The following MYO3B variants were observed in gnomAD, a reference collection of about 807,000 sequenced individuals.
MYO3B encodes the protein myosin-IIIb.
In MYO3B, 156 loss-of-function variants were observed where a neutral mutation model predicts 174.6. The observed-to-expected ratio is 0.89, with a 90% CI of 0.78 to 1.02. The LOEUF (loss-of-function observed/expected upper bound fraction) is 1.02, where lower values mean the gene tolerates loss of function less well. Among genes scored for constraint, MYO3B ranks in the 50% least tolerant of loss-of-function variants. The pLI, the probability that MYO3B is intolerant of heterozygous loss-of-function variation, is 0.00. For synonymous variants in MYO3B, 563 were observed against 569.1 expected (o/e 0.99, Z 0.15); for missense variants, 1,632 against 1,639.4 (o/e 1.00, Z 0.08).
At chr2:170,420,856 C>T (rs779609054) in intron 22 of MYO3B, among the ~76,000 whole-genome samples, 1 of 152,118 alleles carries the variant, frequency 6.6e-6, no homozygotes, top group Non-Finnish European at 1.5e-5. Context: ...TGCTCCCCAC[C>T]GACACCCCTC....
intron 32 of MYO3B, among the ~76,000 whole-genome samples, chr2:170,595,463 G>A (rs1694087515): frequency 6.6e-6 from 1 of 152,086 alleles, no homozygotes; most frequent in African/African-American, 2.4e-5. Context: ...TTATGAGACA[G>A]AGTCTCACTC....
intron 30 of MYO3B, among the ~76,000 whole-genome samples, chr2:170,533,140 A>G (rs2106177417): frequency 6.6e-6 from 1 of 152,212 alleles, no homozygotes; most frequent in East Asian, 1.9e-4. Flanking sequence ...CCACGTCATC[A>G]TTGCCGTGCT....
At chr2:170,426,578 A>T (rs927545543) in intron 22 of MYO3B, among the ~76,000 whole-genome samples, 1 of 151,894 alleles carries the variant, frequency 6.6e-6, no homozygotes, top group Admixed American at 6.6e-5. Flanking sequence ...TCTAGGTGGC[A>T]AGGGTAGAAA....
intron 28 of MYO3B, among the ~76,000 whole-genome samples, chr2:170,505,296 C>T (rs955328953): frequency 6.6e-6 from 1 of 152,132 alleles, no homozygotes; most frequent in African/African-American, 2.4e-5. Flanking sequence ...CTCTGCATAT[C>T]ACCTTGGCAA....
At chr2:170,281,639 T>C (rs1241249846) in intron 7 of MYO3B, among the ~76,000 whole-genome samples, 2 of 152,048 alleles carry the variant, frequency 1.3e-5, no homozygotes, top group East Asian at 3.9e-4. Flanking sequence ...CGTCAAAAAG[T>C]TAAAAAGACC....
chr2:170,257,525 TTATTTAA>T (rs1431846896), intron 7 of MYO3B, among the ~76,000 whole-genome samples: 3 of 152,070 alleles, frequency 2.0e-5, no homozygotes, highest in Non-Finnish European at 4.4e-5. Context: ...AATCAAAAAA[TTATTTAA>T]AATAAATGGT....
At chr2:170,652,850 A>G (rs965325676) in intron 34 of MYO3B, 133 bp from the exon 35 acceptor site, 3 of 908,180 alleles carry the variant, frequency 3.3e-6, no homozygotes, top group Non-Finnish European at 5.1e-6. Flanking sequence ...TGAGCTACCT[A>G]GGAGCTGTCC....
chr2:170,327,922 AAGAC>A (rs2093881147), intron 7 of MYO3B, among the ~76,000 whole-genome samples: 1 of 149,748 alleles, frequency 6.7e-6, no homozygotes, highest in Non-Finnish European at 1.5e-5. Context: ...ATATATTTGA[AAGAC>A]AGTCTCACTT....
chr2:170,242,764 T>C (rs372328845), intron 7 of MYO3B, among the ~76,000 whole-genome samples: 3 of 152,174 alleles, frequency 2.0e-5, no homozygotes, highest in East Asian at 3.8e-4. Context: ...CCCTGGTATA[T>C]TATTTTGGCA....
At chr2:170,501,598 C>A (rs1375106375) in intron 27 of MYO3B, among the ~76,000 whole-genome samples, 187 bp from the exon 28 acceptor site, 2 of 152,106 alleles carry the variant, frequency 1.3e-5, no homozygotes, top group Non-Finnish European at 2.9e-5. Context: ...ATCTTTAAAG[C>A]CAAGCTGTGA....
At chr2:170,340,753 AG>A (rs2093972168) in intron 8 of MYO3B, 1 of 152,184 alleles carries the variant, frequency 6.6e-6, no homozygotes, top group South Asian at 2.1e-4. Context: ...ATTATATGGC[AG>A]GTCACCTGTC....
intron 32 of MYO3B, among the ~76,000 whole-genome samples, chr2:170,546,372 A>G (rs968081063): frequency 6.6e-6 from 1 of 152,230 alleles, no homozygotes; most frequent in African/African-American, 2.4e-5. Context: ...AATATAATGG[A>G]AGCAAGAATG....
At chr2:170,302,193 A>T (rs562155777) in intron 7 of MYO3B, among the ~76,000 whole-genome samples, 1 of 152,290 alleles carries the variant, frequency 6.6e-6, no homozygotes, top group African/African-American at 2.4e-5. Flanking sequence ...ATGAGTAATA[A>T]CAATTGAAGT....
At chr2:170,385,994 T>C (rs1558948116) in intron 12 of MYO3B, 195 bp from the exon 13 acceptor site, 3 of 478,000 alleles carry the variant, frequency 6.3e-6, no homozygotes, top group South Asian at 6.6e-5. Flanking sequence ...AAACAGATTA[T>C]GGTACATATG....
At chr2:170,504,460 C>G (rs1347085013) in intron 28 of MYO3B, among the ~76,000 whole-genome samples, 3 of 152,202 alleles carry the variant, frequency 2.0e-5, no homozygotes, top group Non-Finnish European at 4.4e-5. Flanking sequence ...AGCCGTGCGG[C>G]TTATCCCTTT....
At chr2:170,396,073 A>G (rs1020682693) in intron 16 of MYO3B, among the ~76,000 whole-genome samples, 1 of 152,232 alleles carries the variant, frequency 6.6e-6, no homozygotes, top group South Asian at 2.1e-4. Context: ...ATACCCATCA[A>G]CAATAAATTG....
chr2:170,635,673 T>C (rs1697402548), intron 32 of MYO3B, among the ~76,000 whole-genome samples: 1 of 152,146 alleles, frequency 6.6e-6, no homozygotes, highest in Non-Finnish European at 1.5e-5. Context: ...TAATATCTCT[T>C]AAAGATCACA....
At chr2:170,570,785 T>C (rs1427843611) in intron 32 of MYO3B, among the ~76,000 whole-genome samples, 2 of 151,626 alleles carry the variant, frequency 1.3e-5, no homozygotes, top group African/African-American at 2.4e-5. Context: ...TTTTTTTTAG[T>C]GGTTTTTCAA....
chr2:170,406,130 T>G (rs2094507921), intron 21 of MYO3B, among the ~76,000 whole-genome samples: 1 of 152,096 alleles, frequency 6.6e-6, no homozygotes, highest in African/African-American at 2.4e-5. Context: ...TGTCCACTTT[T>G]CATACATTAT....
Sources: allele counts gnomAD v4.1 joint callset (sites outside exome capture counted in the v4.1 genomes callset), GRCh38; gene constraint gnomAD v4.1.1; transcripts MANE v1.5; gene names NCBI Gene and HGNC (gene_info 2026-07-23, HGNC 2026-07-21).